The following SAMMSON variants were observed in gnomAD, a reference collection of about 807,000 sequenced individuals.
The protein encoded by SAMMSON is long intergenic non-protein coding RNA 1212.
At chr3:70,232,794 G>A (rs1166905134) in intron 4 of SAMMSON, among the ~76,000 whole-genome samples, 1 of 152,046 alleles carries the variant, frequency 6.6e-6, no homozygotes, top group South Asian at 2.1e-4. Context: ...TTCTTACTGG[G>A]TTGGAGATTT....
chr3:70,018,111 G>A (rs188862562), intron 3 of SAMMSON, among the ~76,000 whole-genome samples: 1 of 152,220 alleles, frequency 6.6e-6, no homozygotes, highest in East Asian at 1.9e-4. Flanking sequence ...AATGAGTGAG[G>A]GAGGATTCCC....
intron 4 of SAMMSON, among the ~76,000 whole-genome samples, chr3:70,128,820 T>G (rs150709635): frequency 3.9e-4 from 59 of 152,336 alleles, no homozygotes; most frequent in African/African-American, 1.4e-3. Flanking sequence ...TTATTACTAA[T>G]GATGTCTATT....
At chr3:70,265,642 T>A (rs1444881163) in intron 6 of SAMMSON, among the ~76,000 whole-genome samples, 1 of 152,234 alleles carries the variant, frequency 6.6e-6, no homozygotes, top group African/African-American at 2.4e-5. Context: ...ATTTTCTCCA[T>A]GTGCTTTGCA....
At chr3:70,188,168 T>A (rs1701106116) in intron 4 of SAMMSON, among the ~76,000 whole-genome samples, 1 of 152,234 alleles carries the variant, frequency 6.6e-6, no homozygotes, top group Admixed American at 6.5e-5. Flanking sequence ...GCTCTCTTTA[T>A]TGTCTTTATA....
chr3:70,288,069 T>C (rs59094956), intron 6 of SAMMSON, among the ~76,000 whole-genome samples: 30,675 of 148,930 alleles, frequency 0.21, 3,307 homozygotes, highest in South Asian at 0.27. Context: ...TCAGTTCTGC[T>C]CTGATTTTAG....
At chr3:70,086,461 C>A (rs1307910621) in intron 4 of SAMMSON, among the ~76,000 whole-genome samples, 1 of 152,190 alleles carries the variant, frequency 6.6e-6, no homozygotes, top group Non-Finnish European at 1.5e-5. Context: ...TTTACTCTGG[C>A]ATGGTTGAGC....
chr3:70,187,466 T>C (rs943432890), intron 4 of SAMMSON, among the ~76,000 whole-genome samples: 39 of 133,274 alleles, frequency 2.9e-4, no homozygotes, highest in African/African-American at 1.1e-3. Flanking sequence ...GAGACGGAGT[T>C]TCGCTCTGTC....
At chr3:70,101,655 A>T (rs932722129) in intron 4 of SAMMSON, among the ~76,000 whole-genome samples, 5 of 152,164 alleles carry the variant, frequency 3.3e-5, no homozygotes, top group Non-Finnish European at 5.9e-5. Flanking sequence ...TAATGTATTT[A>T]AAATACCTTA....
At chr3:70,223,815 C>G (rs1316680432) in intron 4 of SAMMSON, among the ~76,000 whole-genome samples, 1 of 152,110 alleles carries the variant, frequency 6.6e-6, no homozygotes, top group African/African-American at 2.4e-5. Context: ...AATGGTTTTT[C>G]TCAGAGGTGA....
intron 1 of SAMMSON, among the ~76,000 whole-genome samples, chr3:70,004,588 A>G (rs2066918795): frequency 6.6e-6 from 1 of 152,184 alleles, no homozygotes; most frequent in Admixed American, 6.6e-5. Context: ...GACTTCCAAA[A>G]TGTTAGAAAC....
intron 4 of SAMMSON, among the ~76,000 whole-genome samples, chr3:70,211,008 A>G (rs1378595277): frequency 6.6e-6 from 1 of 152,124 alleles, no homozygotes; most frequent in Non-Finnish European, 1.5e-5. Context: ...TTATTAAGAA[A>G]ACGTTTTAAT....
chr3:70,237,851 T>G (rs1701625383), intron 4 of SAMMSON, among the ~76,000 whole-genome samples: 1 of 152,070 alleles, frequency 6.6e-6, no homozygotes, highest in Non-Finnish European at 1.5e-5. Flanking sequence ...GCACTGAAAG[T>G]GCCCCTTAAT....
intron 4 of SAMMSON, among the ~76,000 whole-genome samples, chr3:70,128,006 G>T (rs1026137795): frequency 6.6e-6 from 1 of 152,204 alleles, no homozygotes; most frequent in Non-Finnish European, 1.5e-5. Context: ...GACCAGAATG[G>T]ATAACGTTCC....
At chr3:70,389,967 C>G (rs2106756637), downstream of SAMMSON, 1 of 152,080 alleles carries the variant, frequency 6.6e-6, no homozygotes, top group East Asian at 1.9e-4. Context: ...AGCAACAGAG[C>G]AATGACTGAA....
chr3:70,287,321 G>C (rs1055881980), intron 6 of SAMMSON, among the ~76,000 whole-genome samples: 8 of 145,384 alleles, frequency 5.5e-5, no homozygotes, highest in Admixed American at 2.0e-4. Flanking sequence ...ATAATCATGT[G>C]GTTTTTGTCT....
intron 4 of SAMMSON, among the ~76,000 whole-genome samples, chr3:70,246,161 G>A (rs1219427703): frequency 2.0e-5 from 3 of 151,834 alleles, no homozygotes; most frequent in African/African-American, 7.3e-5. Context: ...CTATTTAAAA[G>A]CATAAAGTAT....
chr3:70,298,672 A>G (rs572407921), intron 7 of SAMMSON, among the ~76,000 whole-genome samples: 1 of 152,228 alleles, frequency 6.6e-6, no homozygotes, highest in African/African-American at 2.4e-5. Context: ...AGGTTTAAAA[A>G]TACCCCAGCT....
intron 4 of SAMMSON, chr3:70,172,860 A>G (rs1700970648): frequency 6.6e-6 from 1 of 152,042 alleles, no homozygotes; most frequent in African/African-American, 2.4e-5. Flanking sequence ...ATGATATTAG[A>G]GAGATACATG....
chr3:70,270,926 C>A (rs1309609404), intron 6 of SAMMSON, among the ~76,000 whole-genome samples: 1 of 151,958 alleles, frequency 6.6e-6, no homozygotes, highest in Non-Finnish European at 1.5e-5. Context: ...GGAGAAATAC[C>A]TAATGTAGAT....
Sources: gnomAD v4.1 joint callset for allele counts (sites outside exome capture counted in the v4.1 genomes callset) on GRCh38, gnomAD v4.1.1 for gene constraint, MANE v1.5 for transcripts, NCBI Gene and HGNC (gene_info 2026-07-23, HGNC 2026-07-21) for gene names.